The following ROBO1 variants were observed in gnomAD, a reference collection of about 807,000 sequenced individuals.
The protein encoded by ROBO1 is roundabout guidance receptor 1, also known as roundabout homolog 1.
ROBO1 carries 149 observed loss-of-function variants against 195.9 expected under a neutral mutation model. That is an observed-to-expected ratio of 0.76 (90% CI 0.67 to 0.87). ROBO1 has a LOEUF of 0.87. Among genes scored for constraint, ROBO1 ranks in the 40% least tolerant of loss-of-function variants. The pLI, the probability that ROBO1 is intolerant of heterozygous loss-of-function variation, is 0.00. For synonymous variants in ROBO1, 816 were observed against 733.2 expected (o/e 1.11, Z -1.82); for missense variants, 1,933 against 2,068.3 (o/e 0.93, Z 1.27).
At chr3:79,586,775 A>G (rs114742055) in intron 2 of ROBO1, among the ~76,000 whole-genome samples, 62 of 151,990 alleles carry the variant, frequency 4.1e-4, no homozygotes, top group African/African-American at 1.4e-3. Flanking sequence ...TGGCAATAAA[A>G]GGTAGATGCT....
chr3:79,501,631 T>C (rs866039746), intron 2 of ROBO1, among the ~76,000 whole-genome samples: 1 of 152,248 alleles, frequency 6.6e-6, no homozygotes, highest in Non-Finnish European at 1.5e-5. Flanking sequence ...GAAAAAACTT[T>C]GTCATGCATC....
At chr3:79,135,258 C>G (rs1173522949) in intron 2 of ROBO1, among the ~76,000 whole-genome samples, 2 of 152,048 alleles carry the variant, frequency 1.3e-5, no homozygotes, top group African/African-American at 4.8e-5. Context: ...AAGTATCACC[C>G]CAGAGGGTAT....
chr3:78,907,718 T>C (rs959650309), intron 4 of ROBO1, among the ~76,000 whole-genome samples: 11 of 152,066 alleles, frequency 7.2e-5, no homozygotes, highest in Non-Finnish European at 1.2e-4. Context: ...CATGACAAGT[T>C]TGACAGTAAA....
At chr3:79,288,478 C>T (rs2032027991) in intron 2 of ROBO1, among the ~76,000 whole-genome samples, 1 of 152,126 alleles carries the variant, frequency 6.6e-6, no homozygotes, top group Admixed American at 6.6e-5. Context: ...CTTACGATTT[C>T]TTTAGATACG....
chr3:78,737,274 C>T (rs1419895581), intron 5 of ROBO1, among the ~76,000 whole-genome samples: 1 of 152,132 alleles, frequency 6.6e-6, no homozygotes, highest in Non-Finnish European at 1.5e-5. Flanking sequence ...GATCTTCGTT[C>T]ACATACATTT....
At chr3:79,061,796 T>C (rs1332489398) in intron 3 of ROBO1, among the ~76,000 whole-genome samples, 2 of 152,102 alleles carry the variant, frequency 1.3e-5, no homozygotes, top group African/African-American at 4.8e-5. Flanking sequence ...TGGCTAGCCA[T>C]ATATAGAAAG....
At chr3:79,505,635 G>T (rs780925131) in intron 2 of ROBO1, among the ~76,000 whole-genome samples, 2 of 152,158 alleles carry the variant, frequency 1.3e-5, no homozygotes, top group Admixed American at 6.5e-5. Context: ...TTGCAGTAAC[G>T]ATCATTGGCT....
At chr3:79,753,995 A>G (rs1243562412) in intron 1 of ROBO1, among the ~76,000 whole-genome samples, 1 of 152,166 alleles carries the variant, frequency 6.6e-6, no homozygotes, top group Non-Finnish European at 1.5e-5. Context: ...CAAAAAGGAC[A>G]CTATTTCATA....
intron 3 of ROBO1, among the ~76,000 whole-genome samples, chr3:78,968,423 A>G (rs1054389232): frequency 2.6e-5 from 4 of 151,848 alleles, no homozygotes; most frequent in Non-Finnish European, 5.9e-5. Context: ...CGCCACTCAC[A>G]TGGTGAAATT....
chr3:78,675,621 G>T (rs1226757106), intron 10 of ROBO1, among the ~76,000 whole-genome samples: 2 of 152,154 alleles, frequency 1.3e-5, no homozygotes, highest in Non-Finnish European at 2.9e-5. Flanking sequence ...GGGGAGGGGG[G>T]CCTGCCATTG....
chr3:79,625,033 G>A (rs1481003111), intron 1 of ROBO1, among the ~76,000 whole-genome samples: 3 of 152,024 alleles, frequency 2.0e-5, no homozygotes, highest in Admixed American at 1.3e-4. Flanking sequence ...TTAGAACTCA[G>A]GATTAAGAAA....
intron 3 of ROBO1, among the ~76,000 whole-genome samples, chr3:79,109,603 A>C (rs566582359): frequency 1.2e-4 from 19 of 152,186 alleles, no homozygotes; most frequent in Non-Finnish European, 2.4e-4. Context: ...TTACTTACGC[A>C]TGGTTCTCTT....
intron 4 of ROBO1, among the ~76,000 whole-genome samples, chr3:78,836,563 C>A (rs2032748671): frequency 6.6e-6 from 1 of 150,684 alleles, no homozygotes; most frequent in African/African-American, 2.4e-5. Context: ...TGAATAGTTT[C>A]CATTAGAAGG....
At chr3:78,925,869 A>C (rs2039184311) in intron 4 of ROBO1, among the ~76,000 whole-genome samples, 2 of 151,842 alleles carry the variant, frequency 1.3e-5, no homozygotes. Context: ...CTCTGAAGCA[A>C]AATGTACTTT....
At chr3:78,607,272 G>A (rs1278722163) in intron 28 of ROBO1, 1 of 486,884 alleles carries the variant, frequency 2.1e-6, no homozygotes. Context: ...CAGTGCAGGT[G>A]CGCAGTCTCA....
chr3:79,747,991 T>C (rs1370311694), intron 1 of ROBO1, among the ~76,000 whole-genome samples: 2 of 152,094 alleles, frequency 1.3e-5, no homozygotes, highest in South Asian at 4.1e-4. Flanking sequence ...AATATTTTCT[T>C]TTTTACTTGG....
chr3:79,566,522 A>T (rs925849868), intron 2 of ROBO1, among the ~76,000 whole-genome samples: 2 of 152,182 alleles, frequency 1.3e-5, no homozygotes, highest in Non-Finnish European at 2.9e-5. Context: ...CACTTAAAAA[A>T]GTCTTTTAAA....
intron 2 of ROBO1, among the ~76,000 whole-genome samples, chr3:79,531,704 T>C (rs1941669594): frequency 6.6e-6 from 1 of 152,180 alleles, no homozygotes; most frequent in South Asian, 2.1e-4. Flanking sequence ...GCATTAATAA[T>C]CTCTATGCCT....
intron 2 of ROBO1, among the ~76,000 whole-genome samples, chr3:79,436,035 GT>G (rs909439334): frequency 5.3e-5 from 8 of 152,104 alleles, no homozygotes; most frequent in African/African-American, 1.9e-4. Flanking sequence ...AAAACCCTGT[GT>G]AACAGTTAAT....
Sources: gnomAD v4.1 joint callset for allele counts (sites outside exome capture counted in the v4.1 genomes callset) on GRCh38, gnomAD v4.1.1 for gene constraint, MANE v1.5 for transcripts, NCBI Gene and HGNC (gene_info 2026-07-23, HGNC 2026-07-21) for gene names.